The following KIF5C variants were observed in gnomAD, a reference collection of about 807,000 sequenced individuals.
KIF5C encodes the protein kinesin family member 5C.
KIF5C carries 18 observed loss-of-function variants against 125.2 expected under a neutral mutation model. The ratio of observed to expected loss-of-function variants is 0.14; its 90% CI spans 0.10 to 0.21. The LOEUF (loss-of-function observed/expected upper bound fraction) is 0.21. KIF5C is among the 10% of genes least tolerant of loss of function. KIF5C has a pLI of 1.00. For synonymous variants in KIF5C, 405 were observed against 434.0 expected, an observed-to-expected ratio of 0.93 and a Z score of 0.83; for missense variants, 780 against 1,183.8, an observed-to-expected ratio of 0.66 and a Z score of 5.01.
intron 25 of KIF5C, among the ~76,000 whole-genome samples, chr2:149,021,021 T>A (rs1682519071): frequency 1.3e-5 from 2 of 151,992 alleles, no homozygotes; most frequent in Non-Finnish European, 2.9e-5. Flanking sequence ...ACCAAATGAG[T>A]TCTGTGAATA....
At chr2:148,921,240 A>G (rs143978371) in intron 1 of KIF5C, among the ~76,000 whole-genome samples, 7 of 152,290 alleles carry the variant, frequency 4.6e-5, no homozygotes, top group African/African-American at 1.7e-4. Flanking sequence ...TGAAACACAC[A>G]CATTTGAGCA....
chr2:148,942,339 A>C (rs1240893999), intron 6 of KIF5C, among the ~76,000 whole-genome samples: 1 of 152,260 alleles, frequency 6.6e-6, no homozygotes, highest in Non-Finnish European at 1.5e-5. Flanking sequence ...AAGGCAAAGC[A>C]AAACTTCATC....
rs773857492 is a variant in KIF5C, at chr2:148,998,505, C to T, written c.2206C>T (p.Arg736Trp). The change falls in exon 19 of 26, where the codon CGG becomes TGG. Residue 736 changes from arginine (R) to tryptophan (W), a missense_variant. By Grantham distance (101) the Arg-to-Trp change is moderately radical (BLOSUM62 -3). Transcript: ENST00000435030. ...EEKQKIIDEIRDLNQKLQLEQ... is the reference protein window; with the variant it reads ...EEKQKIIDEIWDLNQKLQLEQ... ...GAAGCAGAAAATCATTGATGAGATT[C>T]GGGAGTGAGTCGGCCCAGGGCACCA... 9.6e-6 allele frequency: 15 copies of T among 1,555,020 alleles called. No individual in the cohort carries two copies. The highest frequency in any genetic ancestry group is 4.1e-5 in the African/African-American group (3 of 73,230).
At chr2:148,935,997 A>G (rs1296629892) in intron 3 of KIF5C, among the ~76,000 whole-genome samples, 1 of 152,192 alleles carries the variant, frequency 6.6e-6, no homozygotes, top group East Asian at 1.9e-4. Context: ...GCTTTGCTGG[A>G]GGCCAGACTG....
At chr2:149,000,614 T>C in intron 20 of KIF5C, 90 bp downstream of exon 20, 6 of 1,583,802 alleles carry the variant, frequency 3.8e-6, no homozygotes, top group Non-Finnish European at 5.2e-6. Context: ...ACAATGGCTA[T>C]TTGTGTGCTT....
intron 24 of KIF5C, 80 bp downstream of exon 24, chr2:149,010,431 A>G (rs1452829068): frequency 1.4e-6 from 2 of 1,465,520 alleles, no homozygotes; most frequent in Non-Finnish European, 1.8e-6. Context: ...AGGTGAAGAC[A>G]GCGCTGGCCC....
chr2:148,984,133 GA>G (rs1481164161), intron 15 of KIF5C, among the ~76,000 whole-genome samples: 1 of 152,170 alleles, frequency 6.6e-6, no homozygotes, highest in Non-Finnish European at 1.5e-5. Flanking sequence ...TTCCTTTTCT[GA>G]AAGAACCCAG....
chr2:148,936,277 T>A (rs1443664625), intron 3 of KIF5C, among the ~76,000 whole-genome samples: 1 of 152,194 alleles, frequency 6.6e-6, no homozygotes, highest in Non-Finnish European at 1.5e-5. Flanking sequence ...AGTGAGACCT[T>A]GTCTCAAAAA....
intron 1 of KIF5C, among the ~76,000 whole-genome samples, chr2:148,908,146 AC>A (rs1464535141): frequency 6.6e-6 from 1 of 152,222 alleles, no homozygotes; most frequent in African/African-American, 2.4e-5. Flanking sequence ...TTGAAAGTTG[AC>A]CTTTTCAGGC....
intron 2 of KIF5C, 31 bp from the exon 3 acceptor site, chr2:148,929,250 G>T: frequency 7.1e-7 from 1 of 1,407,486 alleles, no homozygotes; most frequent in Non-Finnish European, 9.7e-7. Context: ...AAAGTAATGA[G>T]TTAATTTTAA....
chr2:148,935,192 T>A (rs1682266881), intron 3 of KIF5C: 1 of 193,968 alleles, frequency 5.2e-6, no homozygotes, highest in East Asian at 1.8e-4. Context: ...TCGTTCTGCC[T>A]TGGTTCTTGC....
chr2:148,891,376 A>G (rs1006918721), intron 1 of KIF5C, among the ~76,000 whole-genome samples: 3 of 152,012 alleles, frequency 2.0e-5, no homozygotes, highest in Non-Finnish European at 4.4e-5. Flanking sequence ...AAGGCTAAGG[A>G]TTGCTTCTTC....
At chr2:148,931,588 T>C (rs896846972) in intron 3 of KIF5C, among the ~76,000 whole-genome samples, 2 of 152,264 alleles carry the variant, frequency 1.3e-5, no homozygotes, top group Admixed American at 1.3e-4. Flanking sequence ...GTTTGAACTG[T>C]GGAGGCGAAG....
At chr2:148,951,363 T>C (rs1479558716) in intron 10 of KIF5C, among the ~76,000 whole-genome samples, 1 of 152,136 alleles carries the variant, frequency 6.6e-6, no homozygotes, top group East Asian at 1.9e-4. Context: ...GAGGTGTCCA[T>C]AGGTGGGCAG....
rs1681156567 is a variant in KIF5C at position 148,875,575 on chromosome 2, G to GGGCCCC, written c.-43_-42insGGCCCC. 18 of 699,566 alleles carry GGGCCCC rather than the reference G, an allele frequency of 2.6e-5. No homozygotes were observed. Among genetic ancestry groups the GGGCCCC allele is most frequent in the East Asian group, 9.0e-5 (3 of 33,464 alleles). The allele number at this position is 699,566 out of a possible 1,614,324, so 43.3% of individuals were successfully genotyped here. On this transcript the variant is annotated 5_prime_UTR_variant, in exon 1 of 26. Transcript: ENST00000435030. ...TCCTCCCTCGTCGTTCCCGGCCCCG[G>GGGCCCC]CCCCCCACCCATCCCCGTGCCCCCT...
rs1682650823 is a variant in KIF5C at position 149,025,078 on chromosome 2, T to G, written c.*2008T>G. 6.6e-6 allele frequency: 1 copy of G among 152,574 alleles called. No individual in the cohort carries two copies. Among genetic ancestry groups the G allele is most frequent in the East Asian group, 1.9e-4 (1 of 5,202 alleles). 9.5% of individuals were successfully genotyped at this position (152,574 alleles called of 1,614,324 possible). On this transcript the variant is annotated 3_prime_UTR_variant, in exon 26 of 26. Transcript: ENST00000435030. ...TGTTAATATCCATCATAAAATAGATTGTTTTAGATTCTTTCCAGGGTGATT... is the reference window on the plus strand; with the variant it reads ...TGTTAATATCCATCATAAAATAGATGGTTTTAGATTCTTTCCAGGGTGATT...
intron 12 of KIF5C, among the ~76,000 whole-genome samples, chr2:148,975,200 C>T (rs1681029016): frequency 6.6e-6 from 1 of 152,172 alleles, no homozygotes; most frequent in South Asian, 2.1e-4. Context: ...GAAGCCTCAG[C>T]CTTAGGGGGC....
chr2:148,902,294 G>C (rs1023873405), intron 1 of KIF5C, among the ~76,000 whole-genome samples: 1 of 152,126 alleles, frequency 6.6e-6, no homozygotes, highest in Admixed American at 6.6e-5. Flanking sequence ...CAGGGGGAAA[G>C]GCAGACAGCT....
In KIF5C at chr2:148,954,060, G is replaced by A. The variant is rs369764042; in HGVS notation, c.968+3598G>A. On this transcript the variant is annotated intron_variant, in intron 10 of 25. Transcript: ENST00000435030. ...CCCACCCCCCGACAGGCCCCGATATGTGATCCATCCATGTGTTCTCATTGT... is the reference window on the plus strand; with the variant it reads ...CCCACCCCCCGACAGGCCCCGATATATGATCCATCCATGTGTTCTCATTGT... Among the ~76,000 whole-genome samples, 4 of 119,270 alleles carry A rather than the reference G, an allele frequency of 3.4e-5. No individual in the cohort carries two copies. The East Asian group carries it at 1.1e-3, about 32-fold the overall frequency. The allele number at this position is 119,270 out of a possible 152,430, so 78.2% of individuals were successfully genotyped here.
Sources: allele counts gnomAD v4.1 joint callset (sites outside exome capture counted in the v4.1 genomes callset), GRCh38; gene constraint gnomAD v4.1.1; transcripts MANE v1.5; gene names NCBI Gene and HGNC (gene_info 2026-07-23, HGNC 2026-07-21).